Variants in NRAS observed in about 807,000 individuals in gnomAD.
NRAS encodes GTPase NRas.
In NRAS, 6 loss-of-function variants were observed where a neutral mutation model predicts 21.3. The ratio of observed to expected loss-of-function variants is 0.28; its 90% confidence interval spans 0.15 to 0.56. The LOEUF is 0.56. NRAS is among the 20% of genes least tolerant of loss of function. The pLI is 0.93. For missense variants in NRAS, 143 were observed against 231.3 expected (o/e 0.62, Z 2.48); for synonymous variants, 84 against 82.0 (o/e 1.02, Z -0.13).
intron 3 of NRAS, among the ~76,000 whole-genome samples, chr1:114,711,556 G>A (rs1194514815): frequency 8.2e-5 from 12 of 146,998 alleles, no homozygotes; most frequent in African/African-American, 1.8e-4. Context: ...AGCCGCGATC[G>A]CACCACCGTA....
chr1:114,710,118 G>A (rs1310019129), intron 3 of NRAS, among the ~76,000 whole-genome samples: 2 of 151,062 alleles, frequency 1.3e-5, no homozygotes, highest in African/African-American at 2.4e-5. Flanking sequence ...TTGAACCTGG[G>A]AGGCGAAGAT....
intron 5 of NRAS, 41 bp downstream of exon 5, chr1:114,708,486 CTATA>C: frequency 6.3e-7 from 1 of 1,594,244 alleles, no homozygotes; most frequent in Non-Finnish European, 8.6e-7. Context: ...TTGCCCAATA[CTATA>C]TACTAAGATT....
chr1:114,710,278 A>G (rs1299966357), intron 3 of NRAS, among the ~76,000 whole-genome samples: 1 of 78,402 alleles, frequency 1.3e-5, no homozygotes, highest in Non-Finnish European at 2.5e-5. Context: ...TTTATATATA[A>G]TTTATAATAT....
chr1:114,710,193 C>G (rs1340167673), intron 3 of NRAS, among the ~76,000 whole-genome samples: 2 of 133,312 alleles, frequency 1.5e-5, no homozygotes, highest in Non-Finnish European at 3.1e-5. Flanking sequence ...TCCATCCCCC[C>G]CAACCCCCCC....
rs567053969 is a variant in NRAS at position 114,714,458 on chromosome 1, G to GT, written c.112-481dup. Among the ~76,000 whole-genome samples the GT allele has an allele frequency of 3.9e-3, 583 of 149,088 alleles. 2 individuals carry two copies. Among genetic ancestry groups the GT allele is most frequent in the African/African-American group, 0.012 (479 of 40,692 alleles). On this transcript the variant is annotated intron_variant, in intron 2 of 6. Coordinates refer to ENST00000369535, the MANE Select transcript of NRAS (RefSeq NM_002524.5). ...TACAAATACCTTTGTTTCAGAGAAGGTTTTTTTTTTATCATGACAGATGTA... is the reference window on the plus strand; with the variant it reads ...TACAAATACCTTTGTTTCAGAGAAGGTTTTTTTTTTTATCATGACAGATGTA...
rs1204743426 is a variant in NRAS, at chr1:114,706,113, C to A, written c.*1981G>T. 3 of 152,152 alleles carry A rather than the reference C, an allele frequency of 2.0e-5. No homozygotes were observed. The highest frequency in any genetic ancestry group is 2.9e-5 in the Non-Finnish European group (2 of 68,036). The allele number at this position is 152,152 out of a possible 1,614,324, so 9.4% of individuals were successfully genotyped here. A position where few individuals can be genotyped will look rare whatever the true frequency, so the allele number is the denominator to read the frequency against. On this transcript the variant is annotated 3_prime_UTR_variant, in exon 7 of 7. Transcript: ENST00000369535. ...TTTCCATTTACAAATGATGACAGTA[C>A]TGTGAAAGCTCCCAGAATTAGCAGT...
At chr1:114,710,442 G>A (rs892058838) in intron 3 of NRAS, among the ~76,000 whole-genome samples, 5 of 149,806 alleles carry the variant, frequency 3.3e-5, no homozygotes, top group Admixed American at 6.7e-5. Context: ...CCTGGGTCCA[G>A]AAAGGTCAAG....
At position 114,704,975 on chromosome 1, in the gene NRAS, C is replaced by T. The variant is rs1290509735; in HGVS notation, c.*3119G>A. 1.3e-5 allele frequency: 2 copies of T among 152,152 alleles called. No individual in the cohort carries two copies. Among genetic ancestry groups the T allele is most frequent in the Non-Finnish European group, 2.9e-5 (2 of 68,030 alleles). 9.4% of individuals were successfully genotyped at this position (152,152 alleles called of 1,614,324 possible). Reference sequence around the variant, plus strand: ...AAACCATCCAAATAAAATATTTTCCCTAATTTTCCTTGCTTCTTATAATTT... The same window carrying T: ...AAACCATCCAAATAAAATATTTTCCTTAATTTTCCTTGCTTCTTATAATTT... On this transcript the variant is annotated 3_prime_UTR_variant, in exon 7 of 7. Transcript: ENST00000369535.
chr1:114,709,991 G>GA (rs1232830898), intron 3 of NRAS, among the ~76,000 whole-genome samples: 2 of 151,742 alleles, frequency 1.3e-5, no homozygotes, highest in Non-Finnish European at 2.9e-5. Flanking sequence ...AGGAGTTGAA[G>GA]ACCAGCCTGG....
rs2101738880 is a variant in NRAS, at chr1:114,709,680, T to C, written c.339A>G (p.Leu113=). The stretch of plus-strand genomic sequence containing the variant: ...TTGGCAAATCACACTTGTTTCCCAC[T>C]AGCACCATAGGTACATCATCCGAGT... The part of the protein sequence containing the change: ...VKDSDDVPMV[L]VGNKCDLPTR... The change falls in exon 4 of 7, where the codon CTA becomes CTG. Residue 113 remains leucine (L), a synonymous_variant. Coordinates refer to ENST00000369535, the MANE Select transcript of NRAS (RefSeq NM_002524.5). 1 of 1,613,570 alleles carries C rather than the reference T, an allele frequency of 6.2e-7. No homozygotes were observed. Among genetic ancestry groups the C allele is most frequent in the Non-Finnish European group, 8.5e-7 (1 of 1,179,468 alleles).
rs925643971 is a variant in NRAS, at chr1:114,709,170, C to T, written c.450+399G>A. Among the ~76,000 whole-genome samples the T allele has an allele frequency of 1.1e-4, 17 of 152,326 alleles. No individual in the cohort carries two copies. The East Asian group carries it at 3.1e-3, about 28-fold the overall frequency. ...CCTAACAACAGGCTGGGCGTGGTGG[C>T]TCACACCTGTAATCCCAGCACTCTG... On this transcript the variant is annotated intron_variant, in intron 4 of 6. Coordinates refer to ENST00000369535, the MANE Select transcript of NRAS (RefSeq NM_002524.5).
chr1:114,710,896 C>G (rs1570872599), intron 3 of NRAS, among the ~76,000 whole-genome samples: 1 of 152,164 alleles, frequency 6.6e-6, no homozygotes, highest in African/African-American at 2.4e-5. Context: ...AGATTAAGGT[C>G]TAAAGTATAA....
intron 3 of NRAS, among the ~76,000 whole-genome samples, chr1:114,711,992 C>A (rs562794525): frequency 1.3e-5 from 2 of 152,038 alleles, no homozygotes; most frequent in Non-Finnish European, 2.9e-5. Context: ...TAGTCTCTAC[C>A]CCTGGATTAC....
intron 3 of NRAS, among the ~76,000 whole-genome samples, chr1:114,712,557 A>G (rs1261569788): frequency 3.3e-5 from 5 of 152,190 alleles, no homozygotes; most frequent in African/African-American, 1.2e-4. Context: ...TTTATTAAGT[A>G]CTGCTATTAC....
In NRAS at chr1:114,708,651, C is replaced by A. The variant is rs757968407; in HGVS notation, c.454G>T (p.Val152Phe). Reference protein sequence around the residue: ...IETSAKTRQGVEDAFYTLVRE... With the variant: ...IETSAKTRQGFEDAFYTLVRE... ...ACCAGTGTGTAAAAAGCATCTTCAACACCCTATAAAAGGAAAAAATGAAAA... is the reference window on the plus strand; with the variant it reads ...ACCAGTGTGTAAAAAGCATCTTCAAAACCCTATAAAAGGAAAAAATGAAAA... The change falls in exon 5 of 7, where the codon GTT (valine) becomes TTT (phenylalanine). Residue 152 changes from valine (V) to phenylalanine (F), a missense_variant. By Grantham distance (50) the Val-to-Phe change is conservative (BLOSUM62 -1). Transcript: ENST00000369535. 1 of 1,613,816 alleles carries A rather than the reference C, an allele frequency of 6.2e-7. No individual in the cohort carries two copies. The highest frequency in any genetic ancestry group is 8.5e-7 in the Non-Finnish European group (1 of 1,179,730).
At chr1:114,710,348 T>C (rs992006119) in intron 3 of NRAS, among the ~76,000 whole-genome samples, 1 of 144,706 alleles carries the variant, frequency 6.9e-6, no homozygotes, top group Admixed American at 7.0e-5. Flanking sequence ...AAATAAAAAA[T>C]ATATATACAA....
rs1022501798 is a variant in NRAS, at chr1:114,705,808, A to G, written c.*2286T>C. Reference sequence around the variant, plus strand: ...CTAATTGTAACTTCTTAAGGTATTCAAAGAACATACTCAAGTCTGAATTTT... The same window carrying G: ...CTAATTGTAACTTCTTAAGGTATTCGAAGAACATACTCAAGTCTGAATTTT... On this transcript the variant is annotated 3_prime_UTR_variant, in exon 7 of 7. Coordinates refer to ENST00000369535, the MANE Select transcript of NRAS (RefSeq NM_002524.5). 1 of 152,224 alleles carries G rather than the reference A, an allele frequency of 6.6e-6. No individual in the cohort carries two copies. The allele number at this position is 152,224 out of a possible 1,614,324, so 9.4% of individuals were successfully genotyped here. A position where few individuals can be genotyped will look rare whatever the true frequency, so the allele number is the denominator to read the frequency against.
intron 4 of NRAS, among the ~76,000 whole-genome samples, chr1:114,709,234 C>T (rs1016348904): frequency 9.9e-5 from 15 of 151,972 alleles, no homozygotes; most frequent in African/African-American, 2.4e-4. Context: ...GCCAGGAGTT[C>T]GAGACCAGCC....
chr1:114,709,434 A>T, intron 4 of NRAS, 135 bp downstream of exon 4: 1 of 689,376 alleles, frequency 1.5e-6, no homozygotes, highest in Non-Finnish European at 2.4e-6. Context: ...GACTCTGCCT[A>T]AAAAAAAATA....
Sources: gnomAD v4.1 joint callset for allele counts (sites outside exome capture counted in the v4.1 genomes callset) on GRCh38, gnomAD v4.1.1 for gene constraint, MANE v1.5 for transcripts, NCBI Gene and HGNC (gene_info 2026-07-23, HGNC 2026-07-21) for gene names.